Variants in HS6ST3 observed in about 807,000 individuals in gnomAD.
The protein encoded by HS6ST3 is heparan-sulfate 6-O-sulfotransferase 3.
In HS6ST3, 12 loss-of-function variants were observed where a neutral mutation model predicts 36.7. The ratio of observed to expected loss-of-function variants is 0.33; its 90% CI spans 0.21 to 0.53. The LOEUF (loss-of-function observed/expected upper bound fraction) is 0.53, where lower values mean the gene tolerates loss of function less well. Among genes scored for constraint, HS6ST3 ranks in the 20% least tolerant of loss-of-function variants. HS6ST3 has a pLI of 0.95. For synonymous variants in HS6ST3, 240 were observed against 257.5 expected (o/e 0.93, Z 0.65); for missense variants, 584 against 640.9 (o/e 0.91, Z 0.96).
chr13:96,516,884 C>T (rs922935897), intron 1 of HS6ST3, among the ~76,000 whole-genome samples: 40 of 152,162 alleles, frequency 2.6e-4, no homozygotes, highest in African/African-American at 9.4e-4. Flanking sequence ...GTTTAGCTAT[C>T]AGGTCCTGGT....
In HS6ST3 at chr13:96,352,919, A is replaced by G. The variant is rs567833841; in HGVS notation, c.707+261350A>G. On this transcript the variant is annotated intron_variant, in intron 1 of 1. Coordinates refer to ENST00000376705, the MANE Select transcript of HS6ST3 (RefSeq NM_153456.4). ...GAATTGGGGACACAGAGAGATTTAA[A>G]TAACTTCTCCAAGGTCCCACATTAA... Among the ~76,000 whole-genome samples, 9 of 152,224 alleles carry G rather than the reference A, an allele frequency of 5.9e-5. No homozygotes were observed. In the South Asian group the frequency reaches 1.7e-3, roughly 28 times the overall value.
At chr13:96,789,651 C>T (rs1414167962) in intron 1 of HS6ST3, among the ~76,000 whole-genome samples, 3 of 149,616 alleles carry the variant, frequency 2.0e-5, no homozygotes, top group African/African-American at 4.9e-5. Context: ...TTTATTTCAC[C>T]TTTATTCCTG....
rs180703763 is a variant in HS6ST3 at position 96,183,432 on chromosome 13, C to T, written c.707+91863C>T. Among the ~76,000 whole-genome samples the T allele has an allele frequency of 5.3e-4, 80 of 152,220 alleles. 1 individual carries two copies. The highest frequency in any genetic ancestry group is 5.9e-5 in the Non-Finnish European group (4 of 68,002). ...GCTGTGGGCACCTGGAGATGTTTTT[C>T]AACTCTTCTTTCCAGTACTTAAGAG... On this transcript the variant is annotated intron_variant, in intron 1 of 1. Coordinates refer to ENST00000376705, the MANE Select transcript of HS6ST3 (RefSeq NM_153456.4).
chr13:96,514,573 G>A (rs2056064355), intron 1 of HS6ST3, among the ~76,000 whole-genome samples: 1 of 152,140 alleles, frequency 6.6e-6, no homozygotes, highest in African/African-American at 2.4e-5. Flanking sequence ...AAGAAGAGGA[G>A]GTCATGTGAG....
chr13:96,276,594 G>C (rs925819215), intron 1 of HS6ST3, among the ~76,000 whole-genome samples: 1 of 152,160 alleles, frequency 6.6e-6, no homozygotes, highest in Non-Finnish European at 1.5e-5. Flanking sequence ...GCATGTGAAA[G>C]TATCTTGCAC....
At chr13:96,152,336 G>C (rs28373420) in intron 1 of HS6ST3, among the ~76,000 whole-genome samples, 1 of 59,092 alleles carries the variant, frequency 1.7e-5, no homozygotes, top group Non-Finnish European at 3.7e-5. Flanking sequence ...TTTTTTTTTT[G>C]TTGTTGTTGT....
At chr13:96,658,550 T>A (rs187402022) in intron 1 of HS6ST3, among the ~76,000 whole-genome samples, 15 of 148,750 alleles carry the variant, frequency 1.0e-4, no homozygotes, top group Admixed American at 9.5e-4. Context: ...CCCAAAGTGC[T>A]GGGATTACAG....
intron 1 of HS6ST3, among the ~76,000 whole-genome samples, chr13:96,190,271 G>T (rs1436593654): frequency 6.6e-6 from 1 of 152,120 alleles, no homozygotes; most frequent in African/African-American, 2.4e-5. Context: ...TTCTTATTGG[G>T]TCTCTGCCTG....
At chr13:96,350,332 G>C (rs1321989630) in intron 1 of HS6ST3, among the ~76,000 whole-genome samples, 1 of 152,186 alleles carries the variant, frequency 6.6e-6, no homozygotes, top group Non-Finnish European at 1.5e-5. Context: ...TTATCGTCAT[G>C]GTCTGTACTC....
At position 96,799,992 on chromosome 13, in the gene HS6ST3, A is replaced by ATATG. The variant is rs1262861003; in HGVS notation, c.708-32495_708-32494insGTAT. Among the ~76,000 whole-genome samples the ATATG allele has an allele frequency of 1.7e-3, 205 of 122,740 alleles. 11 individuals are homozygous for ATATG. The highest frequency in any genetic ancestry group is 8.0e-3 in the African/African-American group (196 of 24,446). The allele number at this position is 122,740 out of a possible 152,430, so 80.5% of individuals were successfully genotyped here. ...TATATATATATATATGTATATATAT[A>ATATG]TATATGTATATATATATATATGTAT... On this transcript the variant is annotated intron_variant, in intron 1 of 1. Coordinates refer to ENST00000376705, the MANE Select transcript of HS6ST3 (RefSeq NM_153456.4).
chr13:96,826,056 A>G (rs1158916091), intron 1 of HS6ST3, among the ~76,000 whole-genome samples: 3 of 152,378 alleles, frequency 2.0e-5, no homozygotes, highest in Admixed American at 1.3e-4. Flanking sequence ...AACAAATTAT[A>G]CAATAAACTG....
chr13:96,274,782 T>A (rs2054739295), intron 1 of HS6ST3, among the ~76,000 whole-genome samples: 1 of 150,144 alleles, frequency 6.7e-6, no homozygotes, highest in Non-Finnish European at 1.5e-5. Context: ...ACATTGAAAG[T>A]GACTTTTTAA....
chr13:96,315,600 A>T (rs2054964832), intron 1 of HS6ST3, among the ~76,000 whole-genome samples: 1 of 152,100 alleles, frequency 6.6e-6, no homozygotes. Flanking sequence ...TATAATACAG[A>T]ATGCAGTTTC....
intron 1 of HS6ST3, among the ~76,000 whole-genome samples, chr13:96,286,846 TACCTTATTA>T (rs1381662800): frequency 1.3e-5 from 2 of 152,142 alleles, no homozygotes; most frequent in Admixed American, 1.3e-4. Context: ...CCCTTAATTA[TACCTTATTA>T]AGGTATAATT....
At chr13:96,667,008 T>C (rs2138428397) in intron 1 of HS6ST3, among the ~76,000 whole-genome samples, 1 of 152,274 alleles carries the variant, frequency 6.6e-6, no homozygotes, top group Admixed American at 6.5e-5. Context: ...AATATCTTTC[T>C]CATGCTAAGA....
intron 1 of HS6ST3, among the ~76,000 whole-genome samples, chr13:96,602,323 T>C (rs560708827): frequency 1.3e-5 from 2 of 152,354 alleles, no homozygotes; most frequent in East Asian, 3.9e-4. Flanking sequence ...GTTCATTTGG[T>C]GATGTTATGT....
At chr13:96,332,371 G>C (rs2055075574) in intron 1 of HS6ST3, among the ~76,000 whole-genome samples, 1 of 152,090 alleles carries the variant, frequency 6.6e-6, no homozygotes, top group Non-Finnish European at 1.5e-5. Flanking sequence ...CTCTAGTTTT[G>C]CTTACTAACG....
intron 1 of HS6ST3, among the ~76,000 whole-genome samples, chr13:96,241,198 C>A (rs2054557986): frequency 6.6e-6 from 1 of 151,276 alleles, no homozygotes; most frequent in South Asian, 2.1e-4. Flanking sequence ...GTCAGCTGAT[C>A]ATTAAAATAA....
chr13:96,188,511 T>C lies in HS6ST3; in HGVS notation c.707+96942T>C, dbSNP rs185830391. Among the ~76,000 whole-genome samples, 65 of 152,278 alleles carry C rather than the reference T, an allele frequency of 4.3e-4. 1 individual carries two copies. In the East Asian group the frequency reaches 0.011, roughly 27 times the overall value. On this transcript the variant is annotated intron_variant, in intron 1 of 1. Coordinates refer to ENST00000376705, the MANE Select transcript of HS6ST3 (RefSeq NM_153456.4). Reference sequence around the variant, plus strand: ...CTTTCTAGAAAAGTAAGTAAAATCTTGATCAACTTAATCTTTTTGAGTCAT... The same window carrying C: ...CTTTCTAGAAAAGTAAGTAAAATCTCGATCAACTTAATCTTTTTGAGTCAT...
Sources: gnomAD v4.1 joint callset for allele counts (sites outside exome capture counted in the v4.1 genomes callset) on GRCh38, gnomAD v4.1.1 for gene constraint, MANE v1.5 for transcripts, NCBI Gene and HGNC (gene_info 2026-07-23, HGNC 2026-07-21) for gene names.